PIEZO2: variants seen among roughly 807,000 people sequenced by gnomAD.
PIEZO2 encodes the protein piezo-type mechanosensitive ion channel component 2.
PIEZO2 carries 172 observed loss-of-function variants against 337.3 expected under a neutral mutation model. The observed-to-expected ratio is 0.51, with a 90% CI of 0.45 to 0.58. The LOEUF (loss-of-function observed/expected upper bound fraction) is 0.58. Among genes scored for constraint, PIEZO2 ranks in the 20% least tolerant of loss-of-function variants. The pLI, the probability that PIEZO2 is intolerant of heterozygous loss-of-function variation, is 0.00. For synonymous variants in PIEZO2, 1,251 were observed against 1,228.5 expected, an observed-to-expected ratio of 1.02 and a Z score of -0.38; for missense variants, 3,028 against 3,391.3, an observed-to-expected ratio of 0.89 and a Z score of 2.66.
At chr18:10,684,640 A>AT (rs2034466046) in intron 49 of PIEZO2, among the ~76,000 whole-genome samples, 1 of 151,096 alleles carries the variant, frequency 6.6e-6, no homozygotes, top group Non-Finnish European at 1.5e-5. Flanking sequence ...AATTTTTTAT[A>AT]TTTTTAGTAG....
chr18:11,131,706 GA>G lies in PIEZO2; in HGVS notation c.64+16818del, dbSNP rs2040345473. The stretch of plus-strand genomic sequence containing the variant: ...CAGGGACTTGGAAAAAGCACGATGG[GA>G]AAATTGGTGACAAAGAAACTTGGGG... On this transcript the variant is annotated intron_variant, in intron 1 of 55. Transcript: ENST00000674853. The surrounding 1 kb of genome is among the most constrained non-coding windows in gnomAD (Gnocchi z 5.3). 6.6e-6 allele frequency among the ~76,000 whole-genome samples: 1 copy of G among 152,236 alleles called. No individual in the cohort carries two copies. Among genetic ancestry groups the G allele is most frequent in the African/African-American group, 2.4e-5 (1 of 41,466 alleles).
chr18:10,708,391 A>G lies in PIEZO2; in HGVS notation c.5472T>C (p.Asp1824=), dbSNP rs890339816. 6.5e-6 allele frequency: 1 copy of G among 152,704 alleles called. No individual in the cohort carries two copies. Among genetic ancestry groups the G allele is most frequent in the Non-Finnish European group, 1.5e-5 (1 of 68,054 alleles). 9.5% of individuals were successfully genotyped at this position (152,704 alleles called of 1,614,324 possible). ...TMLFSRQSTL[D]DLDGQEIPKT... is the part of the protein sequence containing the mutation. ...TAGGAATTTCTTGTCCATCTAAATC[A>G]TCAAGGGTGGACTGCCTTGAGAACA... The change falls in exon 40 of 56, where the codon GAT becomes GAC. Residue 1824 remains aspartate (D), a synonymous_variant. Transcript: ENST00000674853.
chr18:10,786,990 T>C (rs1598479470), intron 16 of PIEZO2, 46 bp downstream of exon 16: 2 of 1,478,116 alleles, frequency 1.4e-6, no homozygotes, highest in East Asian at 2.5e-5. Flanking sequence ...ACAATATGCA[T>C]TCAAGTCTTC....
rs1443034584 is a variant in PIEZO2 at position 10,833,213 on chromosome 18, G to T, written c.917+22140C>A. ...TGAACATGGCACATGGAGCATGGTT[G>T]AGGGCTCAGAGACAGAAGCCCAGGG... On this transcript the variant is annotated intron_variant, in intron 7 of 55. Transcript: ENST00000674853. This position sits in a 1 kb window ranked among gnomAD's most constrained non-coding sequence, Gnocchi z 4.7. Among the ~76,000 whole-genome samples the T allele has an allele frequency of 6.6e-6, 1 of 152,194 alleles. No individual in the cohort carries two copies. Among genetic ancestry groups the T allele is most frequent in the African/African-American group, 2.4e-5 (1 of 41,458 alleles).
In PIEZO2 at chr18:10,682,433, A is replaced by T; in HGVS notation, c.7498-141T>A. On this transcript the variant is annotated intron_variant, in intron 49 of 55. Transcript: ENST00000674853. This position sits in a 1 kb window ranked among gnomAD's most constrained non-coding sequence, Gnocchi z 5.6. The stretch of plus-strand genomic sequence containing the variant: ...CTGAATCTTCTCTGTTCGCTCTGAA[A>T]TGGGGATAGCAACCTTGTCCCAATC... The T allele has an allele frequency of 1.3e-6, 1 of 753,362 alleles. No homozygotes were observed. The highest frequency in any genetic ancestry group is 2.7e-5 in the East Asian group (1 of 37,036). 46.7% of individuals were successfully genotyped at this position (753,362 alleles called of 1,614,324 possible).
chr18:10,957,035 A>G lies in PIEZO2; in HGVS notation c.286+22500T>C, dbSNP rs547990763. On this transcript the variant is annotated intron_variant, in intron 3 of 55. Transcript: ENST00000674853. Reference sequence around the variant, plus strand: ...ATACAGTCCAGAAATAAACCTAAGTATATGTGGTCAATTGATTTTCAACAA... The same window carrying G: ...ATACAGTCCAGAAATAAACCTAAGTGTATGTGGTCAATTGATTTTCAACAA... Among the ~76,000 whole-genome samples, 10 of 152,216 alleles carry G rather than the reference A, an allele frequency of 6.6e-5. No homozygotes were observed. In the South Asian group the frequency reaches 1.9e-3, roughly 28 times the overall value.
At position 10,671,478 on chromosome 18, in the gene PIEZO2, T is replaced by C; in HGVS notation, c.*49A>G. ...AGCTCTTATGAGAATATTGTGCTTT[T>C]AAAAAAAATTCAAATGTTAACATTA... On this transcript the variant is annotated 3_prime_UTR_variant, in exon 56 of 56. Transcript: ENST00000674853. The C allele has an allele frequency of 1.3e-6, 2 of 1,555,584 alleles. No individual in the cohort carries two copies. The highest frequency in any genetic ancestry group is 8.7e-7 in the Non-Finnish European group (1 of 1,148,716).
At chr18:10,798,892 A>G (rs532817029) in intron 11 of PIEZO2, among the ~76,000 whole-genome samples, 1 of 152,176 alleles carries the variant, frequency 6.6e-6, no homozygotes, top group Non-Finnish European at 1.5e-5. Flanking sequence ...ACTAAAACAC[A>G]TACATGCAGG....
At position 10,776,918 on chromosome 18, in the gene PIEZO2, A is replaced by G. The variant is rs376004898; in HGVS notation, c.2535-2880T>C. Among the ~76,000 whole-genome samples the G allele has an allele frequency of 5.3e-5, 8 of 152,362 alleles. No homozygotes were observed. The East Asian group carries it at 1.2e-3, about 22-fold the overall frequency. ...CTGGAAACTTCAGGCTAAAGAACTTATAAGACTTGTAATTCTTTACTGAAC... is the reference window on the plus strand; with the variant it reads ...CTGGAAACTTCAGGCTAAAGAACTTGTAAGACTTGTAATTCTTTACTGAAC... On this transcript the variant is annotated intron_variant, in intron 18 of 55. Transcript: ENST00000674853.
At chr18:10,738,007 A>G (rs1273416853) in intron 33 of PIEZO2, 2 of 152,224 alleles carry the variant, frequency 1.3e-5, no homozygotes, top group Non-Finnish European at 2.9e-5. Flanking sequence ...ATGAAGATAC[A>G]CAGTGGGTGA....
rs12960099 is a variant in PIEZO2, at chr18:10,962,259, G to C, written c.286+17276C>G. ...GCTACACTGGCAACAGGTTAAATAC[G>C]CAATCGTAGCCCTTCTCCCATCCAT... is the stretch of plus-strand genomic sequence containing the variant. On this transcript the variant is annotated intron_variant, in intron 3 of 55. Transcript: ENST00000674853. The surrounding 1 kb of genome is among the most constrained non-coding windows in gnomAD (Gnocchi z 4.1). Among the ~76,000 whole-genome samples the C allele has an allele frequency of 6.6e-6, 1 of 152,040 alleles. No individual in the cohort carries two copies. Among genetic ancestry groups the C allele is most frequent in the Non-Finnish European group, 1.5e-5 (1 of 68,000 alleles).
intron 49 of PIEZO2, among the ~76,000 whole-genome samples, chr18:10,688,816 G>A: frequency 6.6e-6 from 1 of 151,998 alleles, no homozygotes; most frequent in East Asian, 1.9e-4. Flanking sequence ...TACCCTCAAT[G>A]TTCCTTCGAT....
intron 3 of PIEZO2, among the ~76,000 whole-genome samples, chr18:10,915,934 GTGC>G (rs2030907260): frequency 9.3e-4 from 1 of 1,070 alleles, no homozygotes; most frequent in Admixed American, 0.02. Flanking sequence ...TAGACACAGA[GTGC>G]TGATTGGTGC....
At chr18:10,922,907 A>G (rs1156738487) in intron 3 of PIEZO2, among the ~76,000 whole-genome samples, 2 of 152,310 alleles carry the variant, frequency 1.3e-5, no homozygotes, top group Non-Finnish European at 2.9e-5. Context: ...GCATATGGCC[A>G]TGTTCTTCAT....
chr18:10,922,362 T>TA (rs1315310372), intron 3 of PIEZO2, among the ~76,000 whole-genome samples: 7 of 152,004 alleles, frequency 4.6e-5, no homozygotes, highest in East Asian at 3.9e-4. Context: ...CTTCTCTTTT[T>TA]AAAAAAACAG....
chr18:11,105,361 A>G lies in PIEZO2; in HGVS notation c.65-39139T>C, dbSNP rs1773686329. Among the ~76,000 whole-genome samples the G allele has an allele frequency of 6.6e-6, 1 of 152,150 alleles. No individual in the cohort carries two copies. The highest frequency in any genetic ancestry group is 1.5e-5 in the Non-Finnish European group (1 of 68,038). ...CTCTAGACTGTAAACCACACAACTA[A>G]ACTCGACAAGAATATGTTCCATTTG... is the stretch of plus-strand genomic sequence containing the variant. On this transcript the variant is annotated intron_variant, in intron 1 of 55. Coordinates refer to ENST00000674853, the MANE Select transcript of PIEZO2 (RefSeq NM_001378183.1). This position sits in a 1 kb window ranked among gnomAD's most constrained non-coding sequence, Gnocchi z 4.3.
chr18:10,977,037 A>G (rs57551137), intron 3 of PIEZO2, among the ~76,000 whole-genome samples: 4,813 of 62,538 alleles, frequency 0.077, 129 homozygotes, highest in Middle Eastern at 0.16. Context: ...GTGTGTGTGT[A>G]TGTAAGCTTG....
At chr18:10,725,812 C>G (rs1011085477) in intron 36 of PIEZO2, among the ~76,000 whole-genome samples, 4 of 152,206 alleles carry the variant, frequency 2.6e-5, no homozygotes, top group African/African-American at 9.6e-5. Context: ...CACGCGGGCC[C>G]TCCAGGGTGG....
Position 10,677,141 on chromosome 18 carries a change from G to A in PIEZO2, c.8081+606C>T, listed in dbSNP as rs995087213. 5.9e-5 allele frequency among the ~76,000 whole-genome samples: 9 copies of A among 152,168 alleles called. No homozygotes were observed. The highest frequency in any genetic ancestry group is 2.1e-4 in the South Asian group (1 of 4,824). ...TGTCTGTCTCAATGGAAGCCCCAGCGGGCCAGCACTTTCCATGCACTGATG... is the reference window on the plus strand; with the variant it reads ...TGTCTGTCTCAATGGAAGCCCCAGCAGGCCAGCACTTTCCATGCACTGATG... On this transcript the variant is annotated intron_variant, in intron 53 of 55. Coordinates refer to ENST00000674853, the MANE Select transcript of PIEZO2 (RefSeq NM_001378183.1). This position sits in a 1 kb window ranked among gnomAD's most constrained non-coding sequence, Gnocchi z 4.1.
Sources: gnomAD v4.1 joint callset for allele counts (sites outside exome capture counted in the v4.1 genomes callset) on GRCh38, gnomAD v4.1.1 for gene constraint, Gnocchi (gnomAD v3.1) non-coding constraint, MANE v1.5 for transcripts, NCBI Gene and HGNC (gene_info 2026-07-23, HGNC 2026-07-21) for gene names.